Variants in KCNU1 observed in about 807,000 individuals in gnomAD.
KCNU1 encodes potassium calcium-activated channel subfamily U member 1.
In KCNU1, 93 loss-of-function variants were observed where a neutral mutation model predicts 126.8. That is an observed-to-expected ratio of 0.73 (90% CI 0.62 to 0.87). The LOEUF (loss-of-function observed/expected upper bound fraction) is 0.87, where lower values mean the gene tolerates loss of function less well. Among genes scored for constraint, KCNU1 ranks in the 40% least tolerant of loss-of-function variants. KCNU1 has a pLI of 0.00. For synonymous variants in KCNU1, 523 were observed against 494.2 expected, an observed-to-expected ratio of 1.06 and a Z score of -0.77; for missense variants, 1,330 against 1,367.1, an observed-to-expected ratio of 0.97 and a Z score of 0.43.
rs754182619 is a variant in KCNU1, at chr8:36,840,993, G to A, written c.1693G>A (p.Asp565Asn). The change falls in exon 16 of 27, where the codon GAT (aspartate) becomes AAT (asparagine). Residue 565 changes from aspartate (D) to asparagine (N), a missense_variant. Physicochemically the swap from Asp to Asn is conservative, Grantham distance 23. This residue lies in a region of KCNU1 where 1,054 missense variants were observed against 1,053.9 expected (regional missense o/e 1.00). Transcript: ENST00000399881. ...IAIEYKSLFT[D>N]GFCGLILNPP... is the part of the protein sequence containing the mutation. ...CATCGAATACAAGTCCCTCTTTACGGATGGTTTCTGGTACCAATAAGTCTG... is the reference window on the plus strand; with the variant it reads ...CATCGAATACAAGTCCCTCTTTACGAATGGTTTCTGGTACCAATAAGTCTG... The A allele has an allele frequency of 3.2e-6, 5 of 1,572,236 alleles. No homozygotes were observed. The highest frequency in any genetic ancestry group is 3.5e-6 in the Non-Finnish European group (4 of 1,143,240).
intron 18 of KCNU1, among the ~76,000 whole-genome samples, chr8:36,857,892 C>T (rs1020034455): frequency 3.3e-5 from 5 of 152,046 alleles, no homozygotes; most frequent in Non-Finnish European, 5.9e-5. Context: ...GTGAGCTACC[C>T]GCCTCAGCCT....
chr8:36,798,054 C>T (rs1803170288), intron 2 of KCNU1, among the ~76,000 whole-genome samples: 1 of 152,198 alleles, frequency 6.6e-6, no homozygotes, highest in Admixed American at 6.5e-5. Flanking sequence ...CTTTCAGTCC[C>T]ACCTACTCAA....
intron 19 of KCNU1, among the ~76,000 whole-genome samples, chr8:36,879,725 T>C (rs973971515): frequency 2.6e-5 from 4 of 152,170 alleles, no homozygotes; most frequent in African/African-American, 9.6e-5. Flanking sequence ...GCAAACCTGA[T>C]TGGCTTTCCC....
At chr8:36,871,132 G>A (rs540564230) in intron 19 of KCNU1, among the ~76,000 whole-genome samples, 155 of 152,166 alleles carry the variant, frequency 1.0e-3, no homozygotes, top group African/African-American at 3.6e-3. Context: ...TATAATTATA[G>A]GGATAATCTA....
chr8:36,802,586 G>A (rs1308821754), intron 2 of KCNU1, among the ~76,000 whole-genome samples: 1 of 152,120 alleles, frequency 6.6e-6, no homozygotes, highest in Non-Finnish European at 1.5e-5. Context: ...GAGGATAATA[G>A]TTCCAGCAGA....
At chr8:36,798,574 G>A (rs562306707) in intron 2 of KCNU1, among the ~76,000 whole-genome samples, 1 of 152,146 alleles carries the variant, frequency 6.6e-6, no homozygotes, top group Non-Finnish European at 1.5e-5. Context: ...GTCATCTATT[G>A]TCTCTGAGGG....
chr8:36,815,528 T>C, intron 8 of KCNU1, 68 bp from the exon 9 acceptor site: 1 of 756,618 alleles, frequency 1.3e-6, no homozygotes, highest in Non-Finnish European at 2.2e-6. Context: ...TCCTTTCTAA[T>C]CTTGAAATTT....
chr8:36,932,890 C>G, intron 25 of KCNU1, 30 bp from the exon 26 acceptor site: 1 of 1,259,446 alleles, frequency 7.9e-7, no homozygotes, highest in Non-Finnish European at 1.1e-6. Context: ...AAGTGCCCAG[C>G]AGACATATTT....
intron 19 of KCNU1, among the ~76,000 whole-genome samples, chr8:36,868,187 G>A (rs1293204652): frequency 6.6e-6 from 1 of 152,098 alleles, no homozygotes; most frequent in Non-Finnish European, 1.5e-5. Flanking sequence ...GTGTTAATGG[G>A]TCAGTGATAG....
chr8:36,891,760 T>G (rs192949979), intron 19 of KCNU1, among the ~76,000 whole-genome samples: 10 of 152,252 alleles, frequency 6.6e-5, no homozygotes, highest in Non-Finnish European at 1.2e-4. Context: ...GCCTTTTTTT[T>G]GAGAACTTTA....
chr8:36,845,313 T>C (rs1805102286), intron 16 of KCNU1, among the ~76,000 whole-genome samples: 1 of 152,300 alleles, frequency 6.6e-6, no homozygotes, highest in Middle Eastern at 3.4e-3. Context: ...CATGACAGAA[T>C]CCGGGAGAGG....
intron 24 of KCNU1, among the ~76,000 whole-genome samples, chr8:36,928,733 G>T (rs1352395758): frequency 6.6e-6 from 1 of 152,080 alleles, no homozygotes; most frequent in Non-Finnish European, 1.5e-5. Context: ...CACCTGCCTT[G>T]TTCAGTGCAC....
intron 2 of KCNU1, among the ~76,000 whole-genome samples, chr8:36,788,771 T>G (rs1802800381): frequency 6.6e-6 from 1 of 152,218 alleles, no homozygotes; most frequent in Non-Finnish European, 1.5e-5. Flanking sequence ...TAATTCTCTC[T>G]GATGATATCA....
At chr8:36,912,953 C>CAA (rs71547665) in intron 22 of KCNU1, among the ~76,000 whole-genome samples, 30 of 37,358 alleles carry the variant, frequency 8.0e-4, no homozygotes, top group East Asian at 1.0e-3. Context: ...GGTGACAGAG[C>CAA]AAAAAAAAAA....
intron 10 of KCNU1, 133 bp from the exon 11 acceptor site, chr8:36,833,421 A>G (rs1804627797): frequency 6.1e-6 from 3 of 492,012 alleles, no homozygotes; most frequent in South Asian, 7.0e-5. Flanking sequence ...AAAAAATAGT[A>G]TTAACTTGAT....
At chr8:36,926,500 C>T (rs1444908598) in intron 24 of KCNU1, among the ~76,000 whole-genome samples, 1 of 152,068 alleles carries the variant, frequency 6.6e-6, no homozygotes, top group Non-Finnish European at 1.5e-5. Flanking sequence ...GATTCAATTG[C>T]ACAAGAGACG....
chr8:36,874,933 C>T (rs900530029), intron 19 of KCNU1, among the ~76,000 whole-genome samples: 18 of 151,910 alleles, frequency 1.2e-4, no homozygotes, highest in African/African-American at 4.1e-4. Context: ...CCTTAGAACC[C>T]CTCTGTTCCT....
Position 36,935,637 on chromosome 8 carries a change from A to G in KCNU1, c.3167A>G (p.Tyr1056Cys), listed in dbSNP as rs549157316. Residue 1056 changes from tyrosine (Y) to cysteine (C), a missense_variant, in exon 27 of 27, where the codon TAT (tyrosine) becomes TGT (cysteine). Physicochemically the swap from Tyr to Cys is radical, Grantham distance 194 (BLOSUM62 -2). Coordinates refer to ENST00000399881, the MANE Select transcript of KCNU1 (RefSeq NM_001031836.3). ...RNEEFSLQKSYEIVNKASQTT... is the reference protein window; with the variant it reads ...RNEEFSLQKSCEIVNKASQTT... ...GAAGAGTTCTCATTGCAAAAGTCAT[A>G]TGAAATTGTAAATAAAGCATCACAG... 1.9e-6 allele frequency: 3 copies of G among 1,613,528 alleles called. No individual in the cohort carries two copies. Among genetic ancestry groups the G allele is most frequent in the East Asian group, 2.2e-5 (1 of 44,866 alleles).
chr8:36,886,620 C>T (rs1415338552), intron 19 of KCNU1, among the ~76,000 whole-genome samples: 5 of 152,110 alleles, frequency 3.3e-5, no homozygotes, highest in Non-Finnish European at 5.9e-5. Context: ...CAACATAAGA[C>T]CCATGTTTAC....
Sources: allele counts gnomAD v4.1 joint callset (sites outside exome capture counted in the v4.1 genomes callset), GRCh38; gene constraint gnomAD v4.1.1; regional missense constraint gnomAD v4.1.1; transcripts MANE v1.5; gene names NCBI Gene and HGNC (gene_info 2026-07-23, HGNC 2026-07-21).